The following NBPF20 variants were observed in gnomAD, a reference collection of about 807,000 sequenced individuals.
The protein encoded by NBPF20 is NBPF family member NBPF20.
In NBPF20, 90 loss-of-function variants were observed where a neutral mutation model predicts 68.1. The observed-to-expected ratio is 1.32, with a 90% CI of 1.11 to 1.58. NBPF20 has a LOEUF of 1.58. Among genes scored for constraint, NBPF20 ranks in the 40% most tolerant of loss-of-function variants. NBPF20 has a pLI of 0.00. For synonymous variants in NBPF20, 290 were observed against 228.1 expected, an observed-to-expected ratio of 1.27 and a Z score of -2.45; for missense variants, 816 against 601.2, an observed-to-expected ratio of 1.36 and a Z score of -3.74.
At chr1:145,306,310 C>G (rs1661408479) in intron 119 of NBPF20, among the ~76,000 whole-genome samples, 2 of 149,244 alleles carry the variant, frequency 1.3e-5, no homozygotes, top group South Asian at 4.4e-4. Flanking sequence ...GACACACACA[C>G]ACACACAGAG....
rs1274148838 is a variant in NBPF20 at position 145,338,097 on chromosome 1, T to A, written c.9546-288A>T. 5.1e-3 allele frequency among the ~76,000 whole-genome samples: 272 copies of A among 52,942 alleles called. 2 individuals carry two copies. Among genetic ancestry groups the A allele is most frequent in the African/African-American group, 0.022 (257 of 11,838 alleles). 34.7% of individuals were successfully genotyped at this position (52,942 alleles called of 152,430 possible). On this transcript the variant is annotated intron_variant, in intron 79 of 137. Coordinates refer to ENST00000369373, the Ensembl canonical transcript of NBPF20. ...TCAGTGAATTGTCCAGGTGACACAC[T>A]GATGAGGGAGTAACAGGACACTCTG...
chr1:145,410,353 C>T (rs1202905899), upstream of NBPF20, among the ~76,000 whole-genome samples: 7 of 147,374 alleles, frequency 4.7e-5, no homozygotes, highest in East Asian at 4.0e-4. Context: ...CTCGCTCTGT[C>T]GCCCAGGCTG....
the NBPF20 span, among the ~76,000 whole-genome samples, chr1:145,421,301 C>G: frequency 6.6e-6 from 1 of 152,196 alleles, no homozygotes; most frequent in African/African-American, 2.4e-5. Context: ...GTATATTCTA[C>G]AGGCTGTCTC....
chr1:145,404,532 CAGGAG>C (rs1662679111), intron 2 of NBPF20, among the ~76,000 whole-genome samples: 1 of 152,130 alleles, frequency 6.6e-6, no homozygotes, highest in Admixed American at 6.6e-5. Context: ...GCTGAGATTA[CAGGAG>C]TGAGCCACGT....
At chr1:145,410,464 G>A (rs1478478220), upstream of NBPF20, among the ~76,000 whole-genome samples, 5 of 150,672 alleles carry the variant, frequency 3.3e-5, no homozygotes, top group African/African-American at 9.7e-5. Flanking sequence ...ACAGGCGCCC[G>A]CCACTACGCC....
At chr1:145,292,193 T>A (rs1478653088) in intron 137 of NBPF20, among the ~76,000 whole-genome samples, 188 bp downstream of exon 142, 1 of 149,826 alleles carries the variant, frequency 6.7e-6, no homozygotes, top group Non-Finnish European at 1.5e-5. Flanking sequence ...CTATGGCACG[T>A]TAGTAAAAGA....
Position 145,393,106 on chromosome 1 carries a change from T to C in NBPF20, c.1184A>G (p.Gln395Arg). 1.1e-5 allele frequency: 8 copies of C among 706,328 alleles called. 1 individual carries two copies. In the South Asian group the frequency reaches 1.2e-4, roughly 10 times the overall value. 43.8% of individuals were successfully genotyped at this position (706,328 alleles called of 1,614,324 possible). Reference sequence around the variant, plus strand: ...GTCAACAGCCAAGCCAATACGCTGTTGCTCCAATACGTAAAAGGCACTTCT... The same window carrying C: ...GTCAACAGCCAAGCCAATACGCTGTCGCTCCAATACGTAAAAGGCACTTCT... The change falls in exon 10 of 138, where the codon CAA (glutamine) becomes CGA (arginine). Residue 395 changes from glutamine to arginine, a missense_variant. Coordinates refer to ENST00000369373, the Ensembl canonical transcript of NBPF20.
exon 6 of NBPF20, chr1:145,400,452 C>T (rs1462554991): frequency 8.1e-6 from 13 of 1,612,986 alleles, no homozygotes; most frequent in South Asian, 3.3e-5. Flanking sequence ...AGAGTTGAGT[C>T]GACTTTGTCT....
chr1:145,421,394 G>T, the NBPF20 span, among the ~76,000 whole-genome samples: 1 of 152,146 alleles, frequency 6.6e-6, no homozygotes, highest in African/African-American at 2.4e-5. Flanking sequence ...ATTTTTCATT[G>T]ACATTTCCTT....
In NBPF20 at chr1:145,291,890, G is replaced by C. The variant is rs1431016496; in HGVS notation, c.16698-121C>G. 5.1e-6 allele frequency: 8 copies of C among 1,578,332 alleles called. No homozygotes were observed. In the Middle Eastern group the frequency reaches 1.2e-3, roughly 234 times the overall value. ...AAAGAAAAAGGATAGATCCATTAAT[G>C]AGGTAAAAAAAAAATTTATTGCCTA... On this transcript the variant is annotated intron_variant, in intron 137 of 137. Coordinates refer to ENST00000369373, the Ensembl canonical transcript of NBPF20.
chr1:145,411,377 G>A, the NBPF20 span, among the ~76,000 whole-genome samples: 2 of 128,822 alleles, frequency 1.6e-5, no homozygotes, highest in Non-Finnish European at 3.3e-5. Context: ...CATAAATTTT[G>A]TTGACTTTCC....
chr1:145,292,018 C>G (rs1423299070), intron 137 of NBPF20, among the ~76,000 whole-genome samples: 3 of 149,592 alleles, frequency 2.0e-5, no homozygotes, highest in African/African-American at 7.7e-5. Flanking sequence ...GTGAATTGCC[C>G]AGGTGACATA....
At chr1:145,291,683 A>C in exon 138 of NBPF20, 2 of 1,611,902 alleles carry the variant, frequency 1.2e-6, no homozygotes, top group Non-Finnish European at 1.7e-6. Context: ...AGGTAGTTCA[A>C]AGTACATTGA....
At chr1:145,410,753 T>C in the NBPF20 span, among the ~76,000 whole-genome samples, 15 of 139,236 alleles carry the variant, frequency 1.1e-4, no homozygotes, top group Admixed American at 2.2e-4. Context: ...TATATATACA[T>C]ATATATATAT....
intron 136 of NBPF20, 126 bp from the exon 142 acceptor site, chr1:145,292,615 T>G: frequency 1.3e-6 from 1 of 746,400 alleles, no homozygotes; most frequent in Non-Finnish European, 2.4e-6. Flanking sequence ...CTTTGAGAGA[T>G]ATATTTCAGG....
intron 2 of NBPF20, among the ~76,000 whole-genome samples, chr1:145,404,406 C>G (rs587667772): frequency 1.3e-5 from 2 of 152,038 alleles, no homozygotes; most frequent in African/African-American, 2.4e-5. Flanking sequence ...TTACAGTTGC[C>G]CACCACGACG....
exon 138 of NBPF20, chr1:145,291,423 C>A (rs587613544): frequency 5.6e-6 from 9 of 1,608,610 alleles, no homozygotes; most frequent in South Asian, 1.1e-5. Flanking sequence ...ACTGACCCAT[C>A]CTATGTCTGG....
At chr1:145,402,419 G>C (rs1277076173) in intron 3 of NBPF20, 38 bp from the exon 9 acceptor site, 51 of 1,604,630 alleles carry the variant, frequency 3.2e-5, no homozygotes, top group Non-Finnish European at 3.7e-5. Flanking sequence ...AGAGTGGAAA[G>C]GTTCAGTGAT....
chr1:145,294,835 C>A, exon 134 of NBPF20: 1 of 322,958 alleles, frequency 3.1e-6, no homozygotes, highest in Non-Finnish European at 5.1e-6. Context: ...GTAAACAGCA[C>A]TGCTGTAGGG....
Sources: allele counts gnomAD v4.1 joint callset (sites outside exome capture counted in the v4.1 genomes callset), GRCh38; gene constraint gnomAD v4.1.1; transcripts MANE v1.5; gene names NCBI Gene and HGNC (gene_info 2026-07-23, HGNC 2026-07-21).